FRMPD2: variants seen among roughly 807,000 people sequenced by gnomAD.
FRMPD2 encodes the protein FERM and PDZ domain containing 2.
Under a neutral mutation model 140.1 loss-of-function variants are expected in FRMPD2, and 96 were observed. That is an observed-to-expected ratio of 0.69 (90% CI 0.58 to 0.81). The LOEUF is 0.81. Ranked by LOEUF, FRMPD2 falls within the 40% of genes least tolerant of loss-of-function variation. The pLI, the probability that FRMPD2 is intolerant of heterozygous loss-of-function variation, is 0.00. For missense variants in FRMPD2, 1,240 were observed against 1,447.4 expected (o/e 0.86, Z 2.32); for synonymous variants, 449 against 547.6 (o/e 0.82, Z 2.52).
At chr10:48,259,751 T>C (rs926802159) in intron 1 of FRMPD2, among the ~76,000 whole-genome samples, 1 of 152,008 alleles carries the variant, frequency 6.6e-6, no homozygotes, top group Admixed American at 6.6e-5. Flanking sequence ...CATAGACTTA[T>C]AGAGCAAGTA....
chr10:48,241,007 C>G (rs1840092389), intron 5 of FRMPD2, among the ~76,000 whole-genome samples: 1 of 152,198 alleles, frequency 6.6e-6, no homozygotes, highest in South Asian at 2.1e-4. Context: ...CTTGCAGATC[C>G]CTGACGGAAA....
At chr10:48,224,351 T>A (rs116494594) in intron 10 of FRMPD2, among the ~76,000 whole-genome samples, 195 of 152,332 alleles carry the variant, frequency 1.3e-3, no homozygotes, top group African/African-American at 4.6e-3. Flanking sequence ...GCCCAAAGCA[T>A]TCTCTAGCAG....
In FRMPD2 at chr10:48,187,210, C is replaced by T. The variant is rs1308765687; in HGVS notation, c.2248G>A (p.Val750Ile). The stretch of plus-strand genomic sequence containing the variant: ...CCCATACCTGCATGCATGCTCTGAA[C>T]AGGTGGTCCAGAGAGAGAGTCCCAG... ...MTWDSLSGPPVQSMHAGSKNN... is the reference protein window; with the variant it reads ...MTWDSLSGPPIQSMHAGSKNN... Residue 750 changes from valine (V) to isoleucine (I), a missense_variant, in exon 17 of 29, where the codon GTT becomes ATT. Val to Ile is a conservative substitution (Grantham distance 29). This residue lies in a region of FRMPD2 where 1,161 missense variants were observed against 1,055.9 expected (regional missense o/e 1.10). Coordinates refer to ENST00000374201, the MANE Select transcript of FRMPD2 (RefSeq NM_001018071.4). 3.1e-6 allele frequency: 5 copies of T among 1,613,814 alleles called. No homozygotes were observed. In the African/African-American group the frequency reaches 6.7e-5, roughly 22 times the overall value.
chr10:48,217,446 C>T (rs775702987), intron 12 of FRMPD2, among the ~76,000 whole-genome samples: 2 of 152,068 alleles, frequency 1.3e-5, no homozygotes, highest in South Asian at 2.1e-4. Flanking sequence ...GAAGCTGTAC[C>T]GGGAGGAAAG....
At chr10:48,271,783 G>A (rs1840771478) in intron 1 of FRMPD2, among the ~76,000 whole-genome samples, 1 of 152,194 alleles carries the variant, frequency 6.6e-6, no homozygotes, top group South Asian at 2.1e-4. Flanking sequence ...ATTCAGGAGG[G>A]GAATGAGAAT....
intron 4 of FRMPD2, 151 bp downstream of exon 4, chr10:48,244,633 G>A (rs1000663217): frequency 3.2e-6 from 2 of 618,410 alleles, no homozygotes; most frequent in African/African-American, 3.7e-5. Flanking sequence ...GGAAGGAGTT[G>A]TGTGATAAGT....
intron 10 of FRMPD2, among the ~76,000 whole-genome samples, chr10:48,223,786 G>T (rs1420365051): frequency 6.6e-6 from 1 of 152,184 alleles, no homozygotes; most frequent in Non-Finnish European, 1.5e-5. Context: ...GTTTAGATGA[G>T]ATCATGAGTA....
intron 1 of FRMPD2, among the ~76,000 whole-genome samples, chr10:48,256,524 C>T (rs1840493945): frequency 6.6e-6 from 1 of 152,176 alleles, no homozygotes; most frequent in Non-Finnish European, 1.5e-5. Context: ...CATCCATGAC[C>T]TCTGGCCTTC....
intron 1 of FRMPD2, among the ~76,000 whole-genome samples, chr10:48,262,456 G>T (rs1840608935): frequency 1.3e-5 from 2 of 152,140 alleles, no homozygotes; most frequent in Non-Finnish European, 2.9e-5. Context: ...AATCTCTGAT[G>T]CATATGCACT....
intron 7 of FRMPD2, among the ~76,000 whole-genome samples, chr10:48,239,204 C>T (rs551252923): frequency 6.6e-6 from 1 of 152,208 alleles, no homozygotes; most frequent in East Asian, 1.9e-4. Context: ...AGAAGACCTC[C>T]CAGCTGAGCA....
At chr10:48,244,653 C>A in intron 4 of FRMPD2, 131 bp downstream of exon 4, 1 of 681,116 alleles carries the variant, frequency 1.5e-6, no homozygotes. Context: ...TTCTCAACGC[C>A]TGCCTAGGAC....
chr10:48,257,031 A>G (rs903133907), intron 1 of FRMPD2, among the ~76,000 whole-genome samples: 3 of 152,130 alleles, frequency 2.0e-5, no homozygotes, highest in Non-Finnish European at 2.9e-5. Context: ...CCGCAGGACT[A>G]TGGTCCCTCC....
Position 48,250,963 on chromosome 10 carries a change from A to ATT in FRMPD2, c.151+601_151+602dup, listed in dbSNP as rs113989363. On this transcript the variant is annotated intron_variant, in intron 2 of 28. Transcript: ENST00000374201. Reference sequence around the variant, plus strand: ...AGGCGAGCGCAACCATACCTGGCAAATTTTTTTTTTTGTATTTTTAATAGA... The same window carrying ATT: ...AGGCGAGCGCAACCATACCTGGCAAATTTTTTTTTTTTTGTATTTTTAATAGA... 2.7e-3 allele frequency among the ~76,000 whole-genome samples: 391 copies of ATT among 143,442 alleles called. 5 individuals are homozygous for ATT. The highest frequency in any genetic ancestry group is 9.5e-3 in the African/African-American group (380 of 39,878). The allele number at this position is 143,442 out of a possible 152,430, so 94.1% of individuals were successfully genotyped here. A position where few individuals can be genotyped will look rare whatever the true frequency, so the allele number is the denominator to read the frequency against.
chr10:48,246,586 A>G (rs1404773098), intron 3 of FRMPD2, among the ~76,000 whole-genome samples: 1 of 152,214 alleles, frequency 6.6e-6, no homozygotes, highest in East Asian at 1.9e-4. Flanking sequence ...CACACCTTCC[A>G]CCTGACCTGC....
At chr10:48,232,010 C>T (rs962944815) in intron 10 of FRMPD2, 105 bp downstream of exon 10, 22 of 1,024,272 alleles carry the variant, frequency 2.1e-5, no homozygotes, top group Non-Finnish European at 3.0e-5. Flanking sequence ...AAGGGAGGCA[C>T]CCAAGTCTCA....
chr10:48,230,076 T>C (rs1355910441), intron 10 of FRMPD2, among the ~76,000 whole-genome samples: 1 of 152,210 alleles, frequency 6.6e-6, no homozygotes, highest in Non-Finnish European at 1.5e-5. Flanking sequence ...GTTTTTATAA[T>C]TTTTACTTGA....
At chr10:48,184,492 A>T in intron 20 of FRMPD2, 74 bp downstream of exon 20, 1 of 905,394 alleles carries the variant, frequency 1.1e-6, no homozygotes, top group Non-Finnish European at 1.8e-6. Flanking sequence ...TTCAAGGTCT[A>T]GTACCTCACA....
At chr10:48,219,784 A>G (rs1839537155) in intron 12 of FRMPD2, among the ~76,000 whole-genome samples, 2 of 152,216 alleles carry the variant, frequency 1.3e-5, no homozygotes. Flanking sequence ...ATAACAGAGG[A>G]CTATCATTGG....
chr10:48,159,610 C>T (rs1667728448), intron 28 of FRMPD2, among the ~76,000 whole-genome samples: 1 of 151,864 alleles, frequency 6.6e-6, no homozygotes, highest in Admixed American at 6.6e-5. Flanking sequence ...TTTGCTATTC[C>T]AGGCAGTGCC....
Sources: gnomAD v4.1 joint callset for allele counts (sites outside exome capture counted in the v4.1 genomes callset) on GRCh38, gnomAD v4.1.1 for gene constraint, gnomAD v4.1.1 regional missense constraint, MANE v1.5 for transcripts, NCBI Gene and HGNC (gene_info 2026-07-23, HGNC 2026-07-21) for gene names.